BICD1: variants seen among roughly 807,000 people sequenced by gnomAD.
The protein encoded by BICD1 is protein bicaudal D homolog 1.
In BICD1, 35 loss-of-function variants were observed where a neutral mutation model predicts 92.5. That is an observed-to-expected ratio of 0.38 (90% CI 0.29 to 0.50). The LOEUF is 0.50. BICD1 is among the 20% of genes least tolerant of loss of function. The probability of loss-of-function intolerance (pLI) is 0.93; values close to 1 mark genes in which losing one functional copy is unlikely to be tolerated. For synonymous variants in BICD1, 429 were observed against 465.1 expected (o/e 0.92, Z 1.00); for missense variants, 950 against 1,189.8 (o/e 0.80, Z 2.97).
chr12:32,367,808 C>G, intron 9 of BICD1, 63 bp downstream of exon 9: 2 of 1,441,800 alleles, frequency 1.4e-6, no homozygotes, highest in East Asian at 4.6e-5. Context: ...CCCCAGCTCC[C>G]CTTTCCGACA....
intron 4 of BICD1, among the ~76,000 whole-genome samples, chr12:32,309,237 A>C (rs1430635531): frequency 2.0e-5 from 3 of 152,218 alleles, no homozygotes; most frequent in Non-Finnish European, 4.4e-5. Flanking sequence ...ATTAAAAATA[A>C]TATGGCAAGT....
chr12:32,379,956 C>T lies in BICD1; in HGVS notation c.*2329C>T, dbSNP rs781634055. 6.6e-6 allele frequency: 1 copy of T among 152,142 alleles called. No individual in the cohort carries two copies. Among genetic ancestry groups the T allele is most frequent in the Non-Finnish European group, 1.5e-5 (1 of 68,040 alleles). The allele number at this position is 152,142 out of a possible 1,614,324, so 9.4% of individuals were successfully genotyped here. ...GGACTCCATGAAAAGCCGGGTCACC[C>T]ACAAAACATTTCTTCCAATACAAAG... On this transcript the variant is annotated 3_prime_UTR_variant, in exon 10 of 10. Transcript: ENST00000652176.
At chr12:32,168,417 C>G (rs1008899932) in intron 1 of BICD1, among the ~76,000 whole-genome samples, 1 of 148,844 alleles carries the variant, frequency 6.7e-6, no homozygotes, top group Non-Finnish European at 1.5e-5. Flanking sequence ...GGGTCCAGGG[C>G]AAGGCATGGA....
At chr12:32,261,626 C>T (rs1317391592) in intron 2 of BICD1, among the ~76,000 whole-genome samples, 3 of 152,206 alleles carry the variant, frequency 2.0e-5, no homozygotes, top group Non-Finnish European at 2.9e-5. Flanking sequence ...ATTTTGAGGA[C>T]CAGTGCCATT....
chr12:32,367,420 T>A, intron 8 of BICD1: 1 of 383,816 alleles, frequency 2.6e-6, no homozygotes, highest in Non-Finnish European at 4.7e-6. Context: ...ACATATATCC[T>A]AATGTACTTG....
intron 1 of BICD1, among the ~76,000 whole-genome samples, chr12:32,121,651 G>T (rs1026282871): frequency 1.3e-5 from 2 of 151,310 alleles, no homozygotes; most frequent in African/African-American, 2.4e-5. Context: ...TGGAAGGATG[G>T]CTTGAGCCCA....
At chr12:32,127,099 A>G (rs545651882) in intron 1 of BICD1, among the ~76,000 whole-genome samples, 4 of 152,184 alleles carry the variant, frequency 2.6e-5, no homozygotes, top group Non-Finnish European at 4.4e-5. Flanking sequence ...TTCCTAGTCC[A>G]TGGGTTGTCT....
chr12:32,140,804 T>C (rs1177464284), intron 1 of BICD1, among the ~76,000 whole-genome samples: 1 of 77,766 alleles, frequency 1.3e-5, no homozygotes, highest in Non-Finnish European at 2.7e-5. Flanking sequence ...TTCGTGTGTG[T>C]AGTTTTGGCA....
In BICD1 at chr12:32,343,936, C is replaced by G. The variant is rs976011031; in HGVS notation, c.2764+4957C>G. ...TTGTTTGTTTCACGTATTGCAAAGC[C>G]TATGTTCTTAAGCATGTACCAAAAT... On this transcript the variant is annotated intron_variant, in intron 8 of 9. Transcript: ENST00000652176. 3.3e-5 allele frequency among the ~76,000 whole-genome samples: 5 copies of G among 152,182 alleles called. 1 individual carries two copies. Among genetic ancestry groups the G allele is most frequent in the Non-Finnish European group, 7.3e-5 (5 of 68,038 alleles).
At chr12:32,119,564 TA>T (rs1406944692) in intron 1 of BICD1, among the ~76,000 whole-genome samples, 6 of 152,076 alleles carry the variant, frequency 3.9e-5, no homozygotes, top group African/African-American at 1.4e-4. Context: ...CCCATGGGCG[TA>T]GAAGTGTTTA....
chr12:32,159,326 C>T (rs572526364), intron 1 of BICD1, among the ~76,000 whole-genome samples: 1 of 152,276 alleles, frequency 6.6e-6, no homozygotes, highest in East Asian at 1.9e-4. Context: ...GTAGGGGACA[C>T]AGAATCTGCT....
chr12:32,176,251 C>T (rs903267425), intron 1 of BICD1, among the ~76,000 whole-genome samples: 2 of 152,062 alleles, frequency 1.3e-5, no homozygotes, highest in African/African-American at 4.8e-5. Context: ...TACCTAGGAG[C>T]GGAATTGGTG....
intron 1 of BICD1, among the ~76,000 whole-genome samples, chr12:32,130,239 C>G (rs1942493485): frequency 1.3e-5 from 2 of 150,234 alleles, no homozygotes; most frequent in African/African-American, 2.5e-5. Flanking sequence ...GAGTCTCGCT[C>G]TGTCGCCCAG....
chr12:32,351,780 G>A (rs1188133289), intron 8 of BICD1, among the ~76,000 whole-genome samples: 2 of 151,636 alleles, frequency 1.3e-5, no homozygotes, highest in African/African-American at 4.8e-5. Context: ...GTGCATTCCT[G>A]TAATCCCAGC....
intron 9 of BICD1, among the ~76,000 whole-genome samples, chr12:32,375,381 T>C (rs189298423): frequency 4.2e-4 from 64 of 152,120 alleles, no homozygotes; most frequent in African/African-American, 1.5e-3. Flanking sequence ...ATACAAAAAA[T>C]TAGCCGGACG....
chr12:32,376,799 C>T (rs949511393), intron 9 of BICD1, among the ~76,000 whole-genome samples: 5 of 140,696 alleles, frequency 3.6e-5, no homozygotes, highest in African/African-American at 7.8e-5. Flanking sequence ...ACTCGGGAGG[C>T]GGAGGCTGCA....
intron 1 of BICD1, among the ~76,000 whole-genome samples, chr12:32,215,975 A>AAAAAAG (rs1555148835): frequency 2.5e-4 from 36 of 144,056 alleles, no homozygotes; most frequent in East Asian, 4.3e-4. Context: ...AAAAAAAAAA[A>AAAAAAG]GGAGAACATA....
chr12:32,206,204 A>C (rs1033084191), intron 1 of BICD1, among the ~76,000 whole-genome samples: 1 of 152,244 alleles, frequency 6.6e-6, no homozygotes, highest in Non-Finnish European at 1.5e-5. Flanking sequence ...TGGATAAATA[A>C]ATACCTAGGA....
intron 3 of BICD1, among the ~76,000 whole-genome samples, chr12:32,300,327 T>C (rs2136207066): frequency 6.6e-6 from 1 of 152,050 alleles, no homozygotes; most frequent in South Asian, 2.1e-4. Flanking sequence ...ATGATCTCGA[T>C]CTCCTGACCT....
Sources: allele counts gnomAD v4.1 joint callset (sites outside exome capture counted in the v4.1 genomes callset), GRCh38; gene constraint gnomAD v4.1.1; transcripts MANE v1.5; gene names NCBI Gene and HGNC (gene_info 2026-07-23, HGNC 2026-07-21).